Variants in WNK1 observed in about 807,000 individuals in gnomAD.
WNK1 encodes the protein serine/threonine-protein kinase WNK1.
In WNK1, 38 loss-of-function variants were observed where a neutral mutation model predicts 222.8. That is an observed-to-expected ratio of 0.17 (90% CI 0.13 to 0.22). The LOEUF (loss-of-function observed/expected upper bound fraction) is 0.22. WNK1 is among the 10% of genes least tolerant of loss of function. The probability of loss-of-function intolerance (pLI) is 1.00; values close to 1 mark genes in which losing one functional copy is unlikely to be tolerated. For synonymous variants in WNK1, 1,090 were observed against 1,092.9 expected, an observed-to-expected ratio of 1.00 and a Z score of 0.05; for missense variants, 2,348 against 2,918.4, an observed-to-expected ratio of 0.80 and a Z score of 4.50.
intron 1 of WNK1, among the ~76,000 whole-genome samples, chr12:791,304 A>G (rs1041921749): frequency 6.6e-6 from 1 of 152,018 alleles, no homozygotes; most frequent in Admixed American, 6.6e-5. Flanking sequence ...TATAACTAAG[A>G]AAAAGATAAT....
rs752213953 is a variant in WNK1 at position 857,150 on chromosome 12, A to G, written c.1312-11A>G. 2 of 1,613,650 alleles carry G rather than the reference A, an allele frequency of 1.2e-6. No homozygotes were observed. Among genetic ancestry groups the G allele is most frequent in the Non-Finnish European group, 1.7e-6 (2 of 1,179,606 alleles). On this transcript the variant is annotated splice_polypyrimidine_tract_variant and intron_variant, in intron 4 of 27. Transcript: ENST00000315939. Reference sequence around the variant, plus strand: ...TGCTTTTATTAATGTATTTCTGTTTATGGTTTTCAGGGGGTGAAGCCAGCC... The same window carrying G: ...TGCTTTTATTAATGTATTTCTGTTTGTGGTTTTCAGGGGGTGAAGCCAGCC...
At chr12:841,964 C>T (rs1949662589) in intron 4 of WNK1, among the ~76,000 whole-genome samples, 1 of 152,158 alleles carries the variant, frequency 6.6e-6, no homozygotes, top group African/African-American at 2.4e-5. Context: ...GGGACACAAA[C>T]ATTCAGACTA....
At chr12:812,457 T>C (rs1227631368) in intron 1 of WNK1, among the ~76,000 whole-genome samples, 2 of 152,190 alleles carry the variant, frequency 1.3e-5, no homozygotes, top group African/African-American at 4.8e-5. Context: ...AAAAAGCCTC[T>C]GAGGGCTTAT....
intron 22 of WNK1, among the ~76,000 whole-genome samples, chr12:892,478 G>A (rs989653105): frequency 2.0e-5 from 3 of 152,094 alleles, no homozygotes; most frequent in Non-Finnish European, 2.9e-5. Flanking sequence ...TTTAATAGAG[G>A]TGTTAAGTTC....
intron 4 of WNK1, among the ~76,000 whole-genome samples, chr12:831,224 A>G (rs985801753): frequency 2.0e-5 from 3 of 152,180 alleles, no homozygotes; most frequent in East Asian, 3.8e-4. Context: ...AGCAGAGTAC[A>G]TACAGAAGCA....
At chr12:786,333 A>T (rs1944300940) in intron 1 of WNK1, among the ~76,000 whole-genome samples, 1 of 152,218 alleles carries the variant, frequency 6.6e-6, no homozygotes. Flanking sequence ...CATGAATGTT[A>T]TATACGTAAA....
chr12:789,534 C>CTT (rs34511181), intron 1 of WNK1, among the ~76,000 whole-genome samples: 4,847 of 117,740 alleles, frequency 0.041, 265 homozygotes, highest in Non-Finnish European at 0.064. Context: ...GGTTATACTC[C>CTT]TTTTTTTTTT....
At position 898,824 on chromosome 12, in the gene WNK1, C is replaced by T. The variant is rs147679969; in HGVS notation, c.6448+1143C>T. 4.4e-4 allele frequency among the ~76,000 whole-genome samples: 67 copies of T among 152,176 alleles called. No individual in the cohort carries two copies. In the East Asian group the frequency reaches 0.012, roughly 28 times the overall value. On this transcript the variant is annotated intron_variant, in intron 25 of 27. Transcript: ENST00000315939. Reference sequence around the variant, plus strand: ...GCACGATCTCGGCTCACTGCATTCTCCGCCTCCCAGTTTCAAGTGATCCTC... The same window carrying T: ...GCACGATCTCGGCTCACTGCATTCTTCGCCTCCCAGTTTCAAGTGATCCTC...
chr12:874,332 A>G (rs891299256), intron 9 of WNK1, among the ~76,000 whole-genome samples: 4 of 152,054 alleles, frequency 2.6e-5, no homozygotes, highest in Admixed American at 6.6e-5. Context: ...GCAGATCATC[A>G]TGTACTTCTG....
In WNK1 at chr12:844,989, G is replaced by A. The variant is rs1278150519; in HGVS notation, c.1312-12172G>A. On this transcript the variant is annotated intron_variant, in intron 4 of 27. Transcript: ENST00000315939. ...CGGCTCACTGCAAGCTCCGCCTCCCGGGTTCACGCCATTCTCCTGCCTCAG... is the reference window on the plus strand; with the variant it reads ...CGGCTCACTGCAAGCTCCGCCTCCCAGGTTCACGCCATTCTCCTGCCTCAG... Among the ~76,000 whole-genome samples, 4 of 144,306 alleles carry A rather than the reference G, an allele frequency of 2.8e-5. No homozygotes were observed. In the East Asian group the frequency reaches 6.1e-4, roughly 22 times the overall value. The allele number at this position is 144,306 out of a possible 152,430, so 94.7% of individuals were successfully genotyped here. A position where few individuals can be genotyped will look rare whatever the true frequency, so the allele number is the denominator to read the frequency against.
rs72650749 is a variant in WNK1 at position 888,503 on chromosome 12, G to A, written c.5365-637G>A. 4.7e-3 allele frequency among the ~76,000 whole-genome samples: 721 copies of A among 152,328 alleles called. 3 individuals carry two copies. The highest frequency in any genetic ancestry group is 0.015 in the South Asian group (71 of 4,828). ...AGATAGAGGGAAAGGCCTAAGCAAAGACTGTGCAAGAATAGATTGATAGAA... is the reference window on the plus strand; with the variant it reads ...AGATAGAGGGAAAGGCCTAAGCAAAAACTGTGCAAGAATAGATTGATAGAA... On this transcript the variant is annotated intron_variant, in intron 20 of 27. Coordinates refer to ENST00000315939, the MANE Select transcript of WNK1 (RefSeq NM_018979.4).
Position 862,154 on chromosome 12 carries a change from G to T in WNK1, c.2023G>T (p.Val675Phe). 6.2e-7 allele frequency: 1 copy of T among 1,614,034 alleles called. No individual in the cohort carries two copies. Among genetic ancestry groups the T allele is most frequent in the Non-Finnish European group, 8.5e-7 (1 of 1,179,986 alleles). ...TESRVSSQQT[V>F]SYGSQHEQAH... ...ATCTCGAGTGAGCAGCCAACAGACAGTTTCATATGGTTCCCAACATGAACA... is the reference window on the plus strand; with the variant it reads ...ATCTCGAGTGAGCAGCCAACAGACATTTTCATATGGTTCCCAACATGAACA... The change falls in exon 8 of 28, where the codon GTT (valine) becomes TTT (phenylalanine). Residue 675 changes from valine (V) to phenylalanine (F), a missense_variant. Physicochemically the swap from Val to Phe is conservative, Grantham distance 50. Around this residue, in one of 13 missense-constraint regions of WNK1, gnomAD observed 547 missense variants for 558.3 expected, o/e 0.98. Coordinates refer to ENST00000315939, the MANE Select transcript of WNK1 (RefSeq NM_018979.4).
chr12:798,624 C>CT (rs1312512026), intron 1 of WNK1, among the ~76,000 whole-genome samples: 3 of 106,150 alleles, frequency 2.8e-5, no homozygotes, highest in Non-Finnish European at 4.1e-5. Flanking sequence ...GCACAACTGT[C>CT]TTTTTTTTCC....
chr12:776,693 G>T (rs1031658165), intron 1 of WNK1, among the ~76,000 whole-genome samples: 7 of 152,244 alleles, frequency 4.6e-5, no homozygotes, highest in African/African-American at 1.7e-4. Context: ...GCCTCCCAAA[G>T]CGCTGGGATT....
intron 26 of WNK1, chr12:906,482 C>A (rs1169941694): frequency 1.0e-6 from 1 of 985,266 alleles, no homozygotes; most frequent in East Asian, 1.1e-4. Context: ...GCTTGCTGTT[C>A]TGGGAAGAGT....
rs1194360568 is a variant in WNK1, at chr12:881,893, TC to T, written c.3210-17del. On this transcript the variant is annotated splice_polypyrimidine_tract_variant and intron_variant, in intron 13 of 27. Transcript: ENST00000315939. ...TCATATTATAAACTGCACTTTTTTT[TC>T]TTTTTAAATTTCAAAGTGCACATTC... 6.2e-7 allele frequency: 1 copy of T among 1,614,034 alleles called. No individual in the cohort carries two copies. The highest frequency in any genetic ancestry group is 1.3e-5 in the African/African-American group (1 of 74,942).
At chr12:808,797 C>T (rs1946629159) in intron 1 of WNK1, among the ~76,000 whole-genome samples, 1 of 138,300 alleles carries the variant, frequency 7.2e-6, no homozygotes, top group Non-Finnish European at 1.5e-5. Context: ...GAGTTCCACT[C>T]TTGTTGCCTA....
At chr12:789,749 T>C (rs1021874718) in intron 1 of WNK1, among the ~76,000 whole-genome samples, 1 of 152,156 alleles carries the variant, frequency 6.6e-6, no homozygotes, top group Non-Finnish European at 1.5e-5. Context: ...TAATATTTCA[T>C]AGATGGTAAG....
At position 826,190 on chromosome 12, in the gene WNK1, T is replaced by C. The variant is rs371404186; in HGVS notation, c.933-852T>C. Reference sequence around the variant, plus strand: ...GTTGTATAACGTACACCATCCAGAATGGTAGCCATTTGCCTCATGTGGCTG... The same window carrying C: ...GTTGTATAACGTACACCATCCAGAACGGTAGCCATTTGCCTCATGTGGCTG... On this transcript the variant is annotated intron_variant, in intron 2 of 27. Coordinates refer to ENST00000315939, the MANE Select transcript of WNK1 (RefSeq NM_018979.4). 5.9e-5 allele frequency among the ~76,000 whole-genome samples: 9 copies of C among 152,386 alleles called. No individual in the cohort carries two copies. The South Asian group carries it at 1.7e-3, about 28-fold the overall frequency.
Sources: gnomAD v4.1 joint callset for allele counts (sites outside exome capture counted in the v4.1 genomes callset) on GRCh38, gnomAD v4.1.1 for gene constraint, gnomAD v4.1.1 regional missense constraint, MANE v1.5 for transcripts, NCBI Gene and HGNC (gene_info 2026-07-23, HGNC 2026-07-21) for gene names.